NMT2: variants seen among roughly 807,000 people sequenced by gnomAD.
NMT2 encodes the protein glycylpeptide N-tetradecanoyltransferase 2.
In NMT2, 35 loss-of-function variants were observed where a neutral mutation model predicts 65.4. The ratio of observed to expected loss-of-function variants is 0.54; its 90% CI spans 0.41 to 0.71. NMT2 has a LOEUF of 0.71. NMT2 is among the 30% of genes least tolerant of loss of function. NMT2 has a pLI of 0.00. For missense variants in NMT2, 489 were observed against 611.3 expected (o/e 0.80, Z 2.11); for synonymous variants, 226 against 231.8 (o/e 0.98, Z 0.23).
In NMT2 at chr10:15,141,428, AG is replaced by A. The variant is rs780562407; in HGVS notation, c.239del (p.Pro80LeufsTer51). ...SDSQEIKIQQPSKNPSVPMQK... is the reference protein window; with the variant it reads ...SDSQEIKIQQXSKNPSVPMQK... The stretch of plus-strand genomic sequence containing the variant: ...AATAAAACAGAGCTCTCACTTTCGA[AG>A]GCTGCTGAATTTTAATCTCCTGGGA... On this transcript the variant is annotated frameshift_variant, in exon 2 of 12. Transcript: ENST00000378165. LOFTEE classifies it high-confidence loss of function. 6.2e-7 allele frequency: 1 copy of A among 1,613,998 alleles called. No individual in the cohort carries two copies. Among genetic ancestry groups the A allele is most frequent in the Non-Finnish European group, 8.5e-7 (1 of 1,179,998 alleles).
intron 1 of NMT2, 38 bp downstream of exon 1, chr10:15,168,465 G>T: frequency 1.3e-6 from 2 of 1,503,870 alleles, no homozygotes; most frequent in Non-Finnish European, 9.1e-7. Context: ...CGCGGTCCCC[G>T]CCCTGTCGCG....
At chr10:15,113,479 AAAAAAAAAAAG>A (rs2131476588) in intron 9 of NMT2, among the ~76,000 whole-genome samples, 1 of 150,886 alleles carries the variant, frequency 6.6e-6, no homozygotes, top group South Asian at 2.1e-4. Flanking sequence ...AAAAAAAAAA[AAAAAAAAAAAG>A]AAAGAAAGAT....
chr10:15,106,911 G>A lies in NMT2; in HGVS notation c.*2284C>T, dbSNP rs1290264014. On this transcript the variant is annotated 3_prime_UTR_variant, in exon 12 of 12. Coordinates refer to ENST00000378165, the MANE Select transcript of NMT2 (RefSeq NM_004808.3). ...AGGCCAGGAGTTAAAGACCAGCACGGGAAACATAGCAAGACCTTGTCTCTA... is the reference window on the plus strand; with the variant it reads ...AGGCCAGGAGTTAAAGACCAGCACGAGAAACATAGCAAGACCTTGTCTCTA... 1.3e-5 allele frequency among the ~76,000 whole-genome samples: 2 copies of A among 152,164 alleles called. No individual in the cohort carries two copies. The highest frequency in any genetic ancestry group is 1.9e-4 in the East Asian group (1 of 5,192).
rs189805611 is a variant in NMT2 at position 15,139,115 on chromosome 10, A to G, written c.246+2307T>C. 2.6e-5 allele frequency among the ~76,000 whole-genome samples: 4 copies of G among 152,236 alleles called. No individual in the cohort carries two copies. In the East Asian group the frequency reaches 5.8e-4, roughly 22 times the overall value. ...AGCCTCCATCTTTCTCCCATACTGG[A>G]TGCTTCCTGCCCTCGAACATCAGGC... On this transcript the variant is annotated intron_variant, in intron 2 of 11. Coordinates refer to ENST00000378165, the MANE Select transcript of NMT2 (RefSeq NM_004808.3).
At chr10:15,155,373 TTG>T in intron 1 of NMT2, 1 of 724,164 alleles carries the variant, frequency 1.4e-6, no homozygotes, top group Non-Finnish European at 2.4e-6. Context: ...GCCTTTTTTG[TTG>T]TGTTTTTTTA....
intron 2 of NMT2, among the ~76,000 whole-genome samples, chr10:15,137,088 G>A (rs1290432483): frequency 6.6e-6 from 1 of 152,174 alleles, no homozygotes; most frequent in East Asian, 1.9e-4. Flanking sequence ...AGGTACAATC[G>A]ACCCTTAGAA....
intron 1 of NMT2, among the ~76,000 whole-genome samples, chr10:15,159,988 T>C (rs541746151): frequency 1.3e-5 from 2 of 152,260 alleles, no homozygotes; most frequent in Admixed American, 6.5e-5. Flanking sequence ...TTGGTCATAG[T>C]GGCTGCGGAA....
At chr10:15,152,877 G>T (rs1832851456) in intron 1 of NMT2, among the ~76,000 whole-genome samples, 1 of 152,178 alleles carries the variant, frequency 6.6e-6, no homozygotes, top group African/African-American at 2.4e-5. Flanking sequence ...TCAGGAAATA[G>T]TCTGGAGAGG....
At chr10:15,129,876 C>A (rs1846213851) in intron 7 of NMT2, among the ~76,000 whole-genome samples, 1 of 147,490 alleles carries the variant, frequency 6.8e-6, no homozygotes, top group Non-Finnish European at 1.5e-5. Flanking sequence ...CCACTGCATT[C>A]CAGCCTGGGC....
At chr10:15,135,439 A>G in intron 2 of NMT2, 21 bp from the exon 3 acceptor site, 4 of 1,613,176 alleles carry the variant, frequency 2.5e-6, no homozygotes, top group Non-Finnish European at 3.4e-6. Flanking sequence ...AAAGACAGAC[A>G]CAGAATATGA....
At chr10:15,126,525 C>T (rs1214651559) in intron 8 of NMT2, among the ~76,000 whole-genome samples, 1 of 152,108 alleles carries the variant, frequency 6.6e-6, no homozygotes, top group Non-Finnish European at 1.5e-5. Flanking sequence ...AGCAGATCCT[C>T]TCTATAGACT....
At chr10:15,141,620 T>C (rs1589336959) in intron 1 of NMT2, 63 bp from the exon 2 acceptor site, 3 of 1,525,044 alleles carry the variant, frequency 2.0e-6, no homozygotes, top group Admixed American at 2.1e-5. Context: ...TGAAATTGAA[T>C]TGCATACAAT....
At chr10:15,148,330 C>T (rs1261332396) in intron 1 of NMT2, among the ~76,000 whole-genome samples, 1 of 152,070 alleles carries the variant, frequency 6.6e-6, no homozygotes, top group African/African-American at 2.4e-5. Flanking sequence ...AGCAACATAC[C>T]AAAACCTAGT....
Position 15,105,931 on chromosome 10 carries a change from A to ATTTT in NMT2, c.*3263_*3264insAAAA. On this transcript the variant is annotated 3_prime_UTR_variant, in exon 12 of 12. Transcript: ENST00000378165. Reference sequence around the variant, plus strand: ...ACAAATTATGTAAATGACTCTTTAAAGGAGCAGTGTAACTGTCACCGTGAG... The same window carrying ATTTT: ...ACAAATTATGTAAATGACTCTTTAAATTTTGGAGCAGTGTAACTGTCACCGTGAG... 3.2e-6 allele frequency: 1 copy of ATTTT among 309,538 alleles called. No homozygotes were observed. The highest frequency in any genetic ancestry group is 2.3e-5 in the South Asian group (1 of 42,780). The allele number at this position is 309,538 out of a possible 1,614,324, so 19.2% of individuals were successfully genotyped here. A position where few individuals can be genotyped will look rare whatever the true frequency, so the allele number is the denominator to read the frequency against.
intron 8 of NMT2, among the ~76,000 whole-genome samples, chr10:15,120,407 A>G (rs1414965403): frequency 6.6e-6 from 1 of 152,208 alleles, no homozygotes; most frequent in Non-Finnish European, 1.5e-5. Context: ...GCAGTGAACC[A>G]TGATCACGCC....
intron 9 of NMT2, among the ~76,000 whole-genome samples, chr10:15,114,257 G>A (rs1462469363): frequency 6.6e-6 from 1 of 152,150 alleles, no homozygotes; most frequent in Non-Finnish European, 1.5e-5. Flanking sequence ...TGCAGAACCT[G>A]ATTAGGTTCC....
rs571292487 is a variant in NMT2 at position 15,163,533 on chromosome 10, G to A, written c.110+4970C>T. Among the ~76,000 whole-genome samples, 6 of 152,270 alleles carry A rather than the reference G, an allele frequency of 3.9e-5. No homozygotes were observed. The South Asian group carries it at 6.2e-4, about 16-fold the overall frequency. Reference sequence around the variant, plus strand: ...GGAGGTCCCTCAGGCAAAGACTGTCGTTAATCTATTTTTCCATTTAGATTT... The same window carrying A: ...GGAGGTCCCTCAGGCAAAGACTGTCATTAATCTATTTTTCCATTTAGATTT... On this transcript the variant is annotated intron_variant, in intron 1 of 11. Transcript: ENST00000378165.
chr10:15,161,788 C>G (rs1833208254), intron 1 of NMT2, among the ~76,000 whole-genome samples: 1 of 152,034 alleles, frequency 6.6e-6, no homozygotes, highest in Non-Finnish European at 1.5e-5. Flanking sequence ...TCTAGTGACA[C>G]AAGGGCAAAA....
rs1164353727 is a variant in NMT2, at chr10:15,105,874, TATTC to T, written c.*3317_*3320del. On this transcript the variant is annotated 3_prime_UTR_variant, in exon 12 of 12. Coordinates refer to ENST00000378165, the MANE Select transcript of NMT2 (RefSeq NM_004808.3). The stretch of plus-strand genomic sequence containing the variant: ...CAATTATGGAGGCAAATGTAGTTAT[TATTC>T]TATTTAAAAGTGGTTAATAATTTGA... The T allele has an allele frequency of 1.8e-5, 4 of 216,612 alleles. No homozygotes were observed. The highest frequency in any genetic ancestry group is 3.9e-5 in the Non-Finnish European group (4 of 102,546). 13.4% of individuals were successfully genotyped at this position (216,612 alleles called of 1,614,324 possible).
Sources: allele counts gnomAD v4.1 joint callset (sites outside exome capture counted in the v4.1 genomes callset), GRCh38; gene constraint gnomAD v4.1.1; transcripts MANE v1.5; gene names NCBI Gene and HGNC (gene_info 2026-07-23, HGNC 2026-07-21).